CSMD1: variants seen among roughly 807,000 people sequenced by gnomAD.
The protein encoded by CSMD1 is CUB and Sushi multiple domains 1.
A neutral mutation model predicts 417.5 loss-of-function variants in CSMD1; 213 were observed. The ratio of observed to expected loss-of-function variants is 0.51; its 90% CI spans 0.46 to 0.57. The LOEUF is 0.57. CSMD1 is among the 20% of genes least tolerant of loss of function. The pLI is 0.00. For synonymous variants in CSMD1, 2,862 were observed against 1,736.8 expected (o/e 1.65, Z -16.11); for missense variants, 6,923 against 4,529.7 (o/e 1.53, Z -15.17).
chr8:4,162,726 T>C (rs13260748), intron 3 of CSMD1, among the ~76,000 whole-genome samples: 58,935 of 151,794 alleles, frequency 0.39, 11,643 homozygotes, highest in Middle Eastern at 0.5. Context: ...TTTGTTCCAA[T>C]CGATGAACTT....
At chr8:3,242,750 T>G (rs568549672) in intron 26 of CSMD1, among the ~76,000 whole-genome samples, 1 of 148,870 alleles carries the variant, frequency 6.7e-6, no homozygotes, top group Non-Finnish European at 1.5e-5. Context: ...AGTAGAGACA[T>G]GGAGGGAAGG....
chr8:3,739,064 CT>C (rs368767239), intron 6 of CSMD1, among the ~76,000 whole-genome samples: 12 of 152,184 alleles, frequency 7.9e-5, no homozygotes, highest in African/African-American at 2.9e-4. Context: ...TACATTTCAC[CT>C]GACACAGGTT....
chr8:3,812,487 T>C (rs1018099324), intron 5 of CSMD1, among the ~76,000 whole-genome samples: 5 of 152,190 alleles, frequency 3.3e-5, no homozygotes. Context: ...AAATGGTCCA[T>C]GTTCTTTTCA....
intron 6 of CSMD1, among the ~76,000 whole-genome samples, chr8:3,735,688 C>T (rs1796492524): frequency 6.6e-6 from 1 of 152,152 alleles, no homozygotes; most frequent in South Asian, 2.1e-4. Context: ...GAGAGGCTTG[C>T]TATCAGGATT....
intron 1 of CSMD1, among the ~76,000 whole-genome samples, chr8:4,776,920 C>G (rs6991415): frequency 0.16 from 24,998 of 152,102 alleles, 2,137 homozygotes; most frequent in East Asian, 0.28. Flanking sequence ...CACAACGTTA[C>G]TAAGATTAAA....
intron 3 of CSMD1, among the ~76,000 whole-genome samples, chr8:4,293,450 C>T (rs772954518): frequency 6.6e-6 from 1 of 152,162 alleles, no homozygotes; most frequent in Non-Finnish European, 1.5e-5. Flanking sequence ...ATTAATTACA[C>T]TAATATGTGA....
intron 2 of CSMD1, among the ~76,000 whole-genome samples, chr8:4,580,615 C>T (rs947359601): frequency 1.3e-5 from 2 of 152,128 alleles, no homozygotes; most frequent in Admixed American, 6.5e-5. Flanking sequence ...GCTCTCTCCC[C>T]TCCTTCTTCT....
At chr8:3,047,307 T>C (rs62490532) in intron 50 of CSMD1, among the ~76,000 whole-genome samples, 38,838 of 151,524 alleles carry the variant, frequency 0.26, 5,702 homozygotes, top group East Asian at 0.36. Context: ...TCTGTAGAAA[T>C]TGGTCCCAGA....
At chr8:4,778,869 C>A (rs1189762449) in intron 1 of CSMD1, among the ~76,000 whole-genome samples, 4 of 152,108 alleles carry the variant, frequency 2.6e-5, no homozygotes, top group Non-Finnish European at 5.9e-5. Context: ...AACTGCTATA[C>A]AATGTAGTTA....
chr8:4,424,649 G>C (rs151191566), intron 2 of CSMD1, among the ~76,000 whole-genome samples: 1 of 151,972 alleles, frequency 6.6e-6, no homozygotes, highest in Non-Finnish European at 1.5e-5. Context: ...GAAAACTTCC[G>C]AAGAAGTTTG....
At chr8:4,749,091 T>C (rs186360590) in intron 1 of CSMD1, among the ~76,000 whole-genome samples, 1 of 152,258 alleles carries the variant, frequency 6.6e-6, no homozygotes, top group African/African-American at 2.4e-5. Flanking sequence ...CGCCTGCCCA[T>C]GCAGTCTCCA....
At chr8:3,525,249 TG>T (rs1797706894) in intron 10 of CSMD1, among the ~76,000 whole-genome samples, 1 of 152,138 alleles carries the variant, frequency 6.6e-6, no homozygotes, top group Admixed American at 6.5e-5. Context: ...TCCCTGGAAC[TG>T]AGGGTCCTTA....
At chr8:3,260,514 C>G (rs559550247) in intron 26 of CSMD1, among the ~76,000 whole-genome samples, 47 of 152,228 alleles carry the variant, frequency 3.1e-4, no homozygotes, top group African/African-American at 1.1e-3. Context: ...TAAGGATAAA[C>G]ATTCCTCATT....
chr8:4,744,532 G>A (rs983511377), intron 1 of CSMD1, among the ~76,000 whole-genome samples: 2 of 152,138 alleles, frequency 1.3e-5, no homozygotes, highest in African/African-American at 4.8e-5. Flanking sequence ...TGAATTACCT[G>A]TCTATATTTA....
intron 18 of CSMD1, among the ~76,000 whole-genome samples, chr8:3,385,602 A>G (rs1355434411): frequency 1.3e-5 from 2 of 152,212 alleles, no homozygotes; most frequent in African/African-American, 4.8e-5. Flanking sequence ...AGGGAATTTT[A>G]TAAGAGTTTA....
intron 10 of CSMD1, among the ~76,000 whole-genome samples, chr8:3,516,381 T>C (rs898488154): frequency 6.6e-6 from 1 of 152,102 alleles, no homozygotes; most frequent in African/African-American, 2.4e-5. Context: ...AATAGAAAAA[T>C]ACTGGGATGT....
intron 18 of CSMD1, among the ~76,000 whole-genome samples, chr8:3,379,141 T>C (rs1260867782): frequency 1.3e-5 from 2 of 152,160 alleles, no homozygotes; most frequent in South Asian, 2.1e-4. Flanking sequence ...TGAACTCCCA[T>C]TCACAATTGC....
intron 3 of CSMD1, among the ~76,000 whole-genome samples, chr8:4,344,017 G>C (rs890522483): frequency 6.6e-6 from 1 of 152,124 alleles, no homozygotes; most frequent in African/African-American, 2.4e-5. Flanking sequence ...CTGTGGTTGT[G>C]AAATTGTGAA....
chr8:3,712,165 G>A (rs145856628), intron 6 of CSMD1, among the ~76,000 whole-genome samples: 1 of 29,640 alleles, frequency 3.4e-5, no homozygotes, highest in African/African-American at 1.0e-4. Flanking sequence ...AAGTTACTAC[G>A]TTCTCTTATT....
Sources: allele counts gnomAD v4.1 joint callset (sites outside exome capture counted in the v4.1 genomes callset), GRCh38; gene constraint gnomAD v4.1.1; transcripts MANE v1.5; gene names NCBI Gene and HGNC (gene_info 2026-07-23, HGNC 2026-07-21).